Variants in EIF4EBP2 observed in about 807,000 individuals in gnomAD.
EIF4EBP2 encodes eukaryotic translation initiation factor 4E binding protein 2.
A neutral mutation model predicts 10.3 loss-of-function variants in EIF4EBP2; 5 were observed. That is an observed-to-expected ratio of 0.48 (90% CI 0.25 to 1.02). The LOEUF (loss-of-function observed/expected upper bound fraction) is 1.02, where lower values mean the gene tolerates loss of function less well. EIF4EBP2 is among the 50% of genes least tolerant of loss of function. The pLI, the probability that EIF4EBP2 is intolerant of heterozygous loss-of-function variation, is 0.15. For synonymous variants in EIF4EBP2, 67 were observed against 61.1 expected (o/e 1.10, Z -0.45); for missense variants, 188 against 162.2 (o/e 1.16, Z -0.86).
intron 1 of EIF4EBP2, among the ~76,000 whole-genome samples, chr10:70,414,494 A>G (rs1845073222): frequency 6.6e-6 from 1 of 152,166 alleles, no homozygotes; most frequent in Admixed American, 6.5e-5. Context: ...AATCAAACAT[A>G]TCTTAGGAAT....
chr10:70,408,549 CT>C (rs1224229503), intron 1 of EIF4EBP2, among the ~76,000 whole-genome samples: 3 of 152,228 alleles, frequency 2.0e-5, no homozygotes, highest in Non-Finnish European at 2.9e-5. Context: ...TAACTTCCCC[CT>C]CTGACGGTTT....
At chr10:70,421,654 G>A in intron 2 of EIF4EBP2, 62 bp from the exon 3 acceptor site, 2 of 1,479,220 alleles carry the variant, frequency 1.4e-6, no homozygotes, top group African/African-American at 1.4e-5. Flanking sequence ...GGGAATGACA[G>A]TTAAAACTGT....
At chr10:70,406,577 T>C (rs10740345) in intron 1 of EIF4EBP2, among the ~76,000 whole-genome samples, 67,167 of 151,096 alleles carry the variant, frequency 0.44, 15,686 homozygotes, top group East Asian at 0.66. Context: ...GTTTTTGGCT[T>C]ATGTCAAATA....
In EIF4EBP2 at chr10:70,423,857, G is replaced by A. The variant is rs956160068; in HGVS notation, c.*2110G>A. 1 of 152,540 alleles carries A rather than the reference G, an allele frequency of 6.6e-6. No homozygotes were observed. The highest frequency in any genetic ancestry group is 1.5e-5 in the Non-Finnish European group (1 of 68,000). 9.4% of individuals were successfully genotyped at this position (152,540 alleles called of 1,614,324 possible). ...ATTGATAATCAGAAAAGTAATTTTT[G>A]TTTGTTTGTTTAATGTATCCCTGTT... On this transcript the variant is annotated 3_prime_UTR_variant, in exon 3 of 3. Coordinates refer to ENST00000373218, the MANE Select transcript of EIF4EBP2 (RefSeq NM_004096.5).
Position 70,404,533 on chromosome 10 carries a change from C to T in EIF4EBP2, c.132C>T (p.Ser44=). The change falls in exon 1 of 3, where the codon TCC becomes TCT. Residue 44 remains serine (S), a synonymous_variant. Coordinates refer to ENST00000373218, the MANE Select transcript of EIF4EBP2 (RefSeq NM_004096.5). Reference sequence around the variant, plus strand: ...CCACGCCCGGGGGGACGCTCTTCTCCACCACACCGGGAGGTGAGCGCCGGC... The same window carrying T: ...CCACGCCCGGGGGGACGCTCTTCTCTACCACACCGGGAGGTGAGCGCCGGC... ...YCTTPGGTLF[S]TTPGGTRIIY... is the part of the protein sequence containing the mutation. 1 of 1,583,496 alleles carries T rather than the reference C, an allele frequency of 6.3e-7. No individual in the cohort carries two copies. The highest frequency in any genetic ancestry group is 2.4e-5 in the East Asian group (1 of 40,940).
intron 1 of EIF4EBP2, among the ~76,000 whole-genome samples, chr10:70,415,448 A>G (rs1404208464): frequency 1.3e-5 from 2 of 152,112 alleles, no homozygotes; most frequent in African/African-American, 4.8e-5. Context: ...CAAAATTCAT[A>G]TGGAACTTTA....
Position 70,425,315 on chromosome 10 carries a change from T to C in EIF4EBP2, c.*3568T>C, listed in dbSNP as rs1845195738. 6.6e-6 allele frequency: 1 copy of C among 152,226 alleles called. No individual in the cohort carries two copies. The highest frequency in any genetic ancestry group is 6.5e-5 in the Admixed American group (1 of 15,282). The allele number at this position is 152,226 out of a possible 1,614,324, so 9.4% of individuals were successfully genotyped here. A position where few individuals can be genotyped will look rare whatever the true frequency, so the allele number is the denominator to read the frequency against. On this transcript the variant is annotated 3_prime_UTR_variant, in exon 3 of 3. Transcript: ENST00000373218. ...GACACACCGTCACTTCTTATCCTAG[T>C]TGTTAGAAGCAAGCCACTAAGTTCA... is the stretch of plus-strand genomic sequence containing the variant.
chr10:70,420,013 C>T lies in EIF4EBP2; in HGVS notation c.245C>T (p.Thr82Ile). ...PCHLPNIPGV[T>I]SPGTLIEDSK... is the part of the protein sequence containing the mutation. The stretch of plus-strand genomic sequence containing the variant: ...CACCTGCCCAATATCCCAGGAGTCA[C>T]TAGCCCTGGCACCTTAATTGAAGAC... Residue 82 changes from threonine to isoleucine, a missense_variant, in exon 2 of 3, where the codon ACT (threonine) becomes ATT (isoleucine). Thr to Ile is a moderately conservative substitution (Grantham distance 89, BLOSUM62 -1). Transcript: ENST00000373218. The T allele has an allele frequency of 1.2e-6, 2 of 1,613,404 alleles. No individual in the cohort carries two copies. Among genetic ancestry groups the T allele is most frequent in the East Asian group, 4.5e-5 (2 of 44,796 alleles).
intron 1 of EIF4EBP2, among the ~76,000 whole-genome samples, chr10:70,410,069 T>G (rs2137225245): frequency 6.6e-6 from 1 of 152,234 alleles, no homozygotes; most frequent in East Asian, 1.9e-4. Flanking sequence ...AGCTGCTTTT[T>G]TTTTTCTTTC....
intron 1 of EIF4EBP2, among the ~76,000 whole-genome samples, chr10:70,416,533 C>G (rs1845096839): frequency 7.3e-6 from 1 of 136,654 alleles, no homozygotes; most frequent in Non-Finnish European, 1.5e-5. Context: ...GAGCCAAGAT[C>G]ATGCAGCTGT....
At chr10:70,420,730 A>C (rs1362701173) in intron 2 of EIF4EBP2, among the ~76,000 whole-genome samples, 1 of 152,226 alleles carries the variant, frequency 6.6e-6, no homozygotes, top group Non-Finnish European at 1.5e-5. Flanking sequence ...TAACACACAC[A>C]GAAAACAAAA....
chr10:70,411,877 T>A (rs1323650624), intron 1 of EIF4EBP2, among the ~76,000 whole-genome samples: 1 of 152,230 alleles, frequency 6.6e-6, no homozygotes, highest in Non-Finnish European at 1.5e-5. Context: ...AACTTTTTTT[T>A]ACCCTTTTTG....
In EIF4EBP2 at chr10:70,414,589, C is replaced by A. The variant is rs566690676; in HGVS notation, c.146-5325C>A. On this transcript the variant is annotated intron_variant, in intron 1 of 2. Coordinates refer to ENST00000373218, the MANE Select transcript of EIF4EBP2 (RefSeq NM_004096.5). ...CCATATAGAAAAACCTGTTTTTGGC[C>A]CAGCACAGTGGCTCATGCCTGTAAT... Among the ~76,000 whole-genome samples, 3 of 152,216 alleles carry A rather than the reference C, an allele frequency of 2.0e-5. No individual in the cohort carries two copies. In the East Asian group the frequency reaches 5.8e-4, roughly 29 times the overall value.
intron 1 of EIF4EBP2, among the ~76,000 whole-genome samples, chr10:70,404,795 T>A (rs1054927162): frequency 6.6e-5 from 10 of 152,242 alleles, no homozygotes; most frequent in Non-Finnish European, 1.0e-4. Context: ...TTGTTTCCGC[T>A]TCGTGGCAGG....
chr10:70,421,356 G>A (rs1331713482), intron 2 of EIF4EBP2, among the ~76,000 whole-genome samples: 1 of 152,176 alleles, frequency 6.6e-6, no homozygotes, highest in Non-Finnish European at 1.5e-5. Context: ...GTTTTTTAAT[G>A]GACAAAGTGT....
rs987502257 is a variant in EIF4EBP2 at position 70,424,199 on chromosome 10, C to G, written c.*2452C>G. 2 of 152,130 alleles carry G rather than the reference C, an allele frequency of 1.3e-5. No individual in the cohort carries two copies. The highest frequency in any genetic ancestry group is 2.9e-5 in the Non-Finnish European group (2 of 68,032). The allele number at this position is 152,130 out of a possible 1,614,324, so 9.4% of individuals were successfully genotyped here. The stretch of plus-strand genomic sequence containing the variant: ...ATGAGCTTTAGTAGTATCAAGATGC[C>G]ATTTTCCTTTTTCTTGCTGTCTTGG... On this transcript the variant is annotated 3_prime_UTR_variant, in exon 3 of 3. Coordinates refer to ENST00000373218, the MANE Select transcript of EIF4EBP2 (RefSeq NM_004096.5).
At position 70,421,858 on chromosome 10, in the gene EIF4EBP2, A is replaced by C; in HGVS notation, c.*111A>C. On this transcript the variant is annotated 3_prime_UTR_variant, in exon 3 of 3. Coordinates refer to ENST00000373218, the MANE Select transcript of EIF4EBP2 (RefSeq NM_004096.5). ...AGAAGAGGCAATACCAGCAGTCCCCATTACAGTCTCCACCTCCCCGTCTTC... is the reference window on the plus strand; with the variant it reads ...AGAAGAGGCAATACCAGCAGTCCCCCTTACAGTCTCCACCTCCCCGTCTTC... 1.0e-6 allele frequency: 1 copy of C among 991,734 alleles called. No individual in the cohort carries two copies. Among genetic ancestry groups the C allele is most frequent in the Non-Finnish European group, 1.6e-6 (1 of 643,838 alleles). The allele number at this position is 991,734 out of a possible 1,614,324, so 61.4% of individuals were successfully genotyped here.
rs753603676 is a variant in EIF4EBP2 at position 70,422,883 on chromosome 10, C to T, written c.*1136C>T. ...TCCTTTGTGGATCTGCTTTGTTTGG[C>T]TGCTGGGATAGATAAGCATGGGCTT... On this transcript the variant is annotated 3_prime_UTR_variant, in exon 3 of 3. Coordinates refer to ENST00000373218, the MANE Select transcript of EIF4EBP2 (RefSeq NM_004096.5). 1 of 152,138 alleles carries T rather than the reference C, an allele frequency of 6.6e-6. No individual in the cohort carries two copies. Among genetic ancestry groups the T allele is most frequent in the Non-Finnish European group, 1.5e-5 (1 of 68,022 alleles). The allele number at this position is 152,138 out of a possible 1,614,324, so 9.4% of individuals were successfully genotyped here.
Position 70,404,357 on chromosome 10 carries a change from C to A in EIF4EBP2, c.-45C>A. 1 of 1,495,676 alleles carries A rather than the reference C, an allele frequency of 6.7e-7. No individual in the cohort carries two copies. Among genetic ancestry groups the A allele is most frequent in the Non-Finnish European group, 8.9e-7 (1 of 1,126,238 alleles). The allele number at this position is 1,495,676 out of a possible 1,614,324, so 92.7% of individuals were successfully genotyped here. A position where few individuals can be genotyped will look rare whatever the true frequency, so the allele number is the denominator to read the frequency against. ...GCCGAAGCAGCCCCGGCCCCGCCGC[C>A]GCCGCCTGCCCGCCGGACAAAGCCG... On this transcript the variant is annotated 5_prime_UTR_variant, in exon 1 of 3. Coordinates refer to ENST00000373218, the MANE Select transcript of EIF4EBP2 (RefSeq NM_004096.5).
Sources: gnomAD v4.1 joint callset for allele counts (sites outside exome capture counted in the v4.1 genomes callset) on GRCh38, gnomAD v4.1.1 for gene constraint, MANE v1.5 for transcripts, NCBI Gene and HGNC (gene_info 2026-07-23, HGNC 2026-07-21) for gene names.